ATP10B: variants seen among roughly 807,000 people sequenced by gnomAD.
The protein encoded by ATP10B is phospholipid-transporting ATPase VB.
Under a neutral mutation model 141.2 loss-of-function variants are expected in ATP10B, and 122 were observed. That is an observed-to-expected ratio of 0.86 (90% CI 0.75 to 1.00). ATP10B has a LOEUF of 1.00. Ranked by LOEUF, ATP10B falls within the 50% of genes least tolerant of loss-of-function variation. The pLI, the probability that ATP10B is intolerant of heterozygous loss-of-function variation, is 0.00. For synonymous variants in ATP10B, 685 were observed against 692.0 expected, an observed-to-expected ratio of 0.99 and a Z score of 0.16; for missense variants, 1,876 against 1,825.3, an observed-to-expected ratio of 1.03 and a Z score of -0.51.
chr5:160,565,846 A>G lies in ATP10B; in HGVS notation c.3993T>C (p.Ala1331=). 6.2e-7 allele frequency: 1 copy of G among 1,613,804 alleles called. No individual in the cohort carries two copies. The highest frequency in any genetic ancestry group is 8.5e-7 in the Non-Finnish European group (1 of 1,179,924). Residue 1331 remains alanine, a synonymous_variant, in exon 26 of 26, where the codon GCT becomes GCC. Coordinates refer to ENST00000327245, the MANE Select transcript of ATP10B (RefSeq NM_025153.3). ...CTGGGGGGAGTTTGTCAATTTTCTG[A>G]GCTTTTGAGATTAGAGACTTCCCAC... ...GTCGKSLISK[A]QKIDKLPPDK...
At chr5:160,883,149 G>T in the ATP10B span, among the ~76,000 whole-genome samples, 244 of 152,298 alleles carry the variant, frequency 1.6e-3, 1 homozygote, top group Middle Eastern at 6.8e-3. Flanking sequence ...AAATACTCAG[G>T]AATAGAAAAC....
intron 2 of ATP10B, among the ~76,000 whole-genome samples, chr5:160,779,100 C>T (rs1490338615): frequency 6.6e-6 from 1 of 152,198 alleles, no homozygotes; most frequent in Non-Finnish European, 1.5e-5. Context: ...TCACTATCCC[C>T]AACCTGGCCC....
At chr5:160,908,266 C>T in the ATP10B span, among the ~76,000 whole-genome samples, 1 of 152,176 alleles carries the variant, frequency 6.6e-6, no homozygotes. Flanking sequence ...CTGGTTCTCT[C>T]TCAATTTTCC....
chr5:160,802,363 T>G (rs1174111167), intron 1 of ATP10B, among the ~76,000 whole-genome samples: 1 of 152,202 alleles, frequency 6.6e-6, no homozygotes, highest in East Asian at 1.9e-4. Context: ...ATTGCCTGTT[T>G]TCAAGCCAAC....
chr5:160,644,371 G>A (rs1760117003), intron 8 of ATP10B, 127 bp from the exon 9 acceptor site: 6 of 679,588 alleles, frequency 8.8e-6, no homozygotes, highest in Non-Finnish European at 1.6e-5. Flanking sequence ...TCAGAAGAGT[G>A]ATGGTAGCTG....
At chr5:160,575,058 A>C (rs6868265) in intron 24 of ATP10B, among the ~76,000 whole-genome samples, 14,915 of 152,144 alleles carry the variant, frequency 0.098, 1,782 homozygotes, top group African/African-American at 0.29. Flanking sequence ...ATAGAGATTA[A>C]CTGTTCTTTA....
intron 13 of ATP10B, among the ~76,000 whole-genome samples, chr5:160,624,014 A>T (rs2127652901): frequency 6.6e-6 from 1 of 152,344 alleles, no homozygotes; most frequent in East Asian, 1.9e-4. Flanking sequence ...CAATGGTTAG[A>T]TATGACAAAA....
At chr5:160,874,196 G>GTCCA in the ATP10B span, among the ~76,000 whole-genome samples, 2 of 152,138 alleles carry the variant, frequency 1.3e-5, no homozygotes, top group African/African-American at 2.4e-5. Flanking sequence ...CTGAGAACGG[G>GTCCA]CAGACTGCCT....
At chr5:160,808,863 G>A (rs967145592) in intron 1 of ATP10B, among the ~76,000 whole-genome samples, 3 of 152,284 alleles carry the variant, frequency 2.0e-5, no homozygotes, top group Non-Finnish European at 4.4e-5. Context: ...CTGGAGGCTC[G>A]AAGTCTGAAA....
chr5:160,578,538 A>G (rs184718934), intron 24 of ATP10B, among the ~76,000 whole-genome samples: 1 of 152,168 alleles, frequency 6.6e-6, no homozygotes, highest in Non-Finnish European at 1.5e-5. Flanking sequence ...TTATGGTTGC[A>G]TAGTATTCCA....
chr5:160,874,020 G>T, the ATP10B span, among the ~76,000 whole-genome samples: 1 of 152,214 alleles, frequency 6.6e-6, no homozygotes, highest in African/African-American at 2.4e-5. Context: ...GTTCGAACTG[G>T]GTGGAGCCCA....
chr5:160,708,121 G>C (rs1192167049), intron 3 of ATP10B, among the ~76,000 whole-genome samples: 1 of 152,130 alleles, frequency 6.6e-6, no homozygotes, highest in Admixed American at 6.5e-5. Flanking sequence ...AGGCCACTGA[G>C]GCAGATCCAC....
the ATP10B span, among the ~76,000 whole-genome samples, chr5:160,924,377 GGAT>G: frequency 6.6e-6 from 1 of 152,088 alleles, no homozygotes; most frequent in South Asian, 2.1e-4. Flanking sequence ...AAAATAATGA[GGAT>G]AATACTGGAA....
intron 2 of ATP10B, among the ~76,000 whole-genome samples, chr5:160,752,173 CT>C (rs561913092): frequency 0.12 from 15,189 of 123,224 alleles, 798 homozygotes; most frequent in African/African-American, 0.17. Context: ...AGTCCCCCTA[CT>C]TTTTTTTTTT....
chr5:160,590,835 C>T (rs1009292858), intron 23 of ATP10B, among the ~76,000 whole-genome samples: 6 of 152,132 alleles, frequency 3.9e-5, no homozygotes, highest in African/African-American at 1.4e-4. Flanking sequence ...AAAAATGACC[C>T]AGTATAAATA....
intron 1 of ATP10B, among the ~76,000 whole-genome samples, chr5:160,822,275 C>G (rs1166216447): frequency 6.6e-6 from 1 of 152,024 alleles, no homozygotes; most frequent in African/African-American, 2.4e-5. Context: ...TTCAACATCA[C>G]TGATAATCAG....
At chr5:160,639,423 G>A (rs1321211409) in intron 10 of ATP10B, among the ~76,000 whole-genome samples, 1 of 152,166 alleles carries the variant, frequency 6.6e-6, no homozygotes, top group Non-Finnish European at 1.5e-5. Flanking sequence ...ATGAAGGTGG[G>A]CCCAATGATG....
chr5:160,918,092 C>T, the ATP10B span, among the ~76,000 whole-genome samples: 3 of 152,198 alleles, frequency 2.0e-5, no homozygotes, highest in Non-Finnish European at 4.4e-5. Context: ...TCCCTTTTCA[C>T]ACTGAGGGCC....
the ATP10B span, among the ~76,000 whole-genome samples, chr5:160,892,959 C>A: frequency 6.6e-6 from 1 of 152,250 alleles, no homozygotes; most frequent in South Asian, 2.1e-4. Context: ...GAACTCCTTC[C>A]CCTAGTCAAG....
Sources: allele counts gnomAD v4.1 joint callset (sites outside exome capture counted in the v4.1 genomes callset), GRCh38; gene constraint gnomAD v4.1.1; transcripts MANE v1.5; gene names NCBI Gene and HGNC (gene_info 2026-07-23, HGNC 2026-07-21).